CSMD1: variants seen among roughly 807,000 people sequenced by gnomAD.
CSMD1 encodes the protein CUB and Sushi multiple domains 1.
Under a neutral mutation model 417.5 loss-of-function variants are expected in CSMD1, and 213 were observed. That is an observed-to-expected ratio of 0.51 (90% CI 0.46 to 0.57). The LOEUF is 0.57. Among genes scored for constraint, CSMD1 ranks in the 20% least tolerant of loss-of-function variants. CSMD1 has a pLI of 0.00. For synonymous variants in CSMD1, 2,862 were observed against 1,736.8 expected (o/e 1.65, Z -16.11); for missense variants, 6,923 against 4,529.7 (o/e 1.53, Z -15.17).
intron 42 of CSMD1, among the ~76,000 whole-genome samples, chr8:3,116,844 T>G (rs989657743): frequency 1.3e-5 from 2 of 152,100 alleles, no homozygotes; most frequent in African/African-American, 4.8e-5. Context: ...GTTTCAATCC[T>G]GATAATTTCA....
At chr8:3,225,367 A>G (rs1312585641) in intron 27 of CSMD1, among the ~76,000 whole-genome samples, 2 of 151,570 alleles carry the variant, frequency 1.3e-5, no homozygotes, top group Non-Finnish European at 2.9e-5. Context: ...GAAAAAGATT[A>G]AAACTTGATT....
At chr8:3,225,253 T>A (rs187915534) in intron 27 of CSMD1, among the ~76,000 whole-genome samples, 110 of 152,338 alleles carry the variant, frequency 7.2e-4, no homozygotes, top group African/African-American at 2.6e-3. Flanking sequence ...TGTTATACTC[T>A]CACAGTCTAA....
chr8:3,207,287 C>G (rs1420643843), intron 30 of CSMD1, among the ~76,000 whole-genome samples: 2 of 150,070 alleles, frequency 1.3e-5, no homozygotes, highest in Non-Finnish European at 3.0e-5. Context: ...GCTGCAATTA[C>G]TCGGCGCCCG....
intron 2 of CSMD1, among the ~76,000 whole-genome samples, chr8:4,470,824 G>T (rs185091902): frequency 2.6e-5 from 4 of 152,138 alleles, no homozygotes; most frequent in Middle Eastern, 3.2e-3. Context: ...TATCTGAATC[G>T]ATGTTGTCTC....
intron 25 of CSMD1, among the ~76,000 whole-genome samples, chr8:3,290,858 CT>C: frequency 6.6e-6 from 1 of 151,886 alleles, no homozygotes; most frequent in East Asian, 1.9e-4. Flanking sequence ...ACTTCCAACA[CT>C]ATATTGAATA....
intron 3 of CSMD1, among the ~76,000 whole-genome samples, chr8:4,258,003 T>A (rs1803583609): frequency 6.6e-6 from 1 of 152,094 alleles, no homozygotes; most frequent in Non-Finnish European, 1.5e-5. Context: ...ATAAGTGGAT[T>A]AAACAACAGA....
At chr8:4,037,782 C>A (rs1431922709) in intron 3 of CSMD1, among the ~76,000 whole-genome samples, 1 of 152,040 alleles carries the variant, frequency 6.6e-6, no homozygotes, top group Non-Finnish European at 1.5e-5. Flanking sequence ...TTCTGAGGGC[C>A]TTGAACCATT....
chr8:3,112,897 G>A (rs749002003), intron 42 of CSMD1: 1 of 152,186 alleles, frequency 6.6e-6, no homozygotes, highest in South Asian at 2.1e-4. Flanking sequence ...GAAAAAAAGA[G>A]GACCCTAAGA....
At chr8:3,002,039 A>T (rs1462135876) in intron 52 of CSMD1, among the ~76,000 whole-genome samples, 1 of 152,194 alleles carries the variant, frequency 6.6e-6, no homozygotes, top group Non-Finnish European at 1.5e-5. Context: ...CTCTGCCTCA[A>T]CTCGTAGAAG....
chr8:3,712,633 G>A (rs1339283597), intron 6 of CSMD1, among the ~76,000 whole-genome samples: 1 of 152,194 alleles, frequency 6.6e-6, no homozygotes, highest in African/African-American at 2.4e-5. Context: ...TCTCAGACCT[G>A]CTAAGTCACA....
intron 5 of CSMD1, among the ~76,000 whole-genome samples, chr8:3,770,875 T>C (rs965834062): frequency 5.9e-5 from 9 of 152,198 alleles, no homozygotes; most frequent in Admixed American, 3.3e-4. Flanking sequence ...GCTCATATTT[T>C]TTAGTCTCAT....
chr8:4,321,392 GT>G (rs1236113798), intron 3 of CSMD1, among the ~76,000 whole-genome samples: 1 of 152,046 alleles, frequency 6.6e-6, no homozygotes, highest in African/African-American at 2.4e-5. Context: ...AATCAGAAGA[GT>G]TTTTTTCATC....
intron 2 of CSMD1, among the ~76,000 whole-genome samples, chr8:4,581,683 T>A (rs1235219073): frequency 6.6e-6 from 1 of 152,200 alleles, no homozygotes; most frequent in African/African-American, 2.4e-5. Context: ...ATGCTCCCAG[T>A]TGGGGTCACA....
chr8:4,199,175 G>C (rs1020944179), intron 3 of CSMD1, among the ~76,000 whole-genome samples: 4 of 151,992 alleles, frequency 2.6e-5, no homozygotes, highest in African/African-American at 9.7e-5. Flanking sequence ...CACTGGGGAT[G>C]ATCCTACTTT....
chr8:4,781,588 T>G (rs1318233907), intron 1 of CSMD1, among the ~76,000 whole-genome samples: 2 of 152,216 alleles, frequency 1.3e-5, no homozygotes, highest in African/African-American at 2.4e-5. Context: ...AGATCTTATT[T>G]CAAATCTAGT....
At chr8:3,349,289 C>T (rs1341060474) in intron 21 of CSMD1, among the ~76,000 whole-genome samples, 4 of 152,162 alleles carry the variant, frequency 2.6e-5, no homozygotes, top group African/African-American at 9.7e-5. Flanking sequence ...TCACACCCTC[C>T]TTCCCTCTTT....
intron 8 of CSMD1, among the ~76,000 whole-genome samples, chr8:3,594,801 C>T (rs1801015703): frequency 6.6e-6 from 1 of 152,128 alleles, no homozygotes; most frequent in Non-Finnish European, 1.5e-5. Context: ...TGTTAACCTC[C>T]GAGGGAACCG....
chr8:4,137,204 G>A (rs1803493082), intron 3 of CSMD1, among the ~76,000 whole-genome samples: 1 of 152,150 alleles, frequency 6.6e-6, no homozygotes, highest in Non-Finnish European at 1.5e-5. Flanking sequence ...ATCTTGCCTG[G>A]AAACAGTTGC....
chr8:4,933,087 G>C (rs545598353), intron 1 of CSMD1, among the ~76,000 whole-genome samples: 1 of 139,962 alleles, frequency 7.1e-6, no homozygotes, highest in Admixed American at 7.0e-5. Context: ...TTTGCGGCTT[G>C]AAGTAATTAA....
Sources: allele counts gnomAD v4.1 joint callset (sites outside exome capture counted in the v4.1 genomes callset), GRCh38; gene constraint gnomAD v4.1.1; transcripts MANE v1.5; gene names NCBI Gene and HGNC (gene_info 2026-07-23, HGNC 2026-07-21).